Variants in ZPBP observed in about 807,000 individuals in gnomAD.
ZPBP encodes the protein zona pellucida-binding protein 1.
In ZPBP, 26 loss-of-function variants were observed where a neutral mutation model predicts 44.8. That is an observed-to-expected ratio of 0.58 (90% confidence interval 0.43 to 0.81). The LOEUF (loss-of-function observed/expected upper bound fraction) is 0.81, where lower values mean the gene tolerates loss of function less well. ZPBP is among the 30% of genes least tolerant of loss of function. ZPBP has a pLI of 0.00. For synonymous variants in ZPBP, 174 were observed against 153.2 expected, an observed-to-expected ratio of 1.14 and a Z score of -1.00; for missense variants, 409 against 434.0, an observed-to-expected ratio of 0.94 and a Z score of 0.51.
chr7:50,088,199 T>C (rs1217563875), intron 2 of ZPBP, among the ~76,000 whole-genome samples: 1 of 152,002 alleles, frequency 6.6e-6, no homozygotes, highest in African/African-American at 2.4e-5. Flanking sequence ...CTTCAACAAA[T>C]GGTGATAAAA....
intron 2 of ZPBP, among the ~76,000 whole-genome samples, chr7:49,872,048 TAAACA>T (rs1791182019): frequency 6.8e-6 from 1 of 147,298 alleles, no homozygotes; most frequent in Non-Finnish European, 1.5e-5. Context: ...ATTAATAAAC[TAAACA>T]AAACTAAGTA....
At chr7:50,011,250 C>T (rs193024166) in intron 6 of ZPBP, among the ~76,000 whole-genome samples, 16 of 152,104 alleles carry the variant, frequency 1.1e-4, no homozygotes, top group Non-Finnish European at 2.1e-4. Context: ...AGACCTGAAA[C>T]GATAAAAATT....
At chr7:50,005,148 T>C (rs1055158279) in intron 6 of ZPBP, among the ~76,000 whole-genome samples, 30 of 151,844 alleles carry the variant, frequency 2.0e-4, no homozygotes, top group African/African-American at 7.0e-4. Flanking sequence ...AAAAAAATTT[T>C]AAATGCTGTC....
intron 7 of ZPBP, among the ~76,000 whole-genome samples, chr7:49,946,023 G>C (rs942438573): frequency 6.6e-6 from 1 of 151,874 alleles, no homozygotes; most frequent in Non-Finnish European, 1.5e-5. Context: ...ATAATATCAC[G>C]TAACCTGTTA....
chr7:50,077,626 A>C (rs564011034), intron 3 of ZPBP, among the ~76,000 whole-genome samples: 1 of 152,088 alleles, frequency 6.6e-6, no homozygotes, highest in Admixed American at 6.6e-5. Flanking sequence ...TCAAATGGCA[A>C]ACAGGCCTAT....
intron 2 of ZPBP, among the ~76,000 whole-genome samples, chr7:49,856,819 C>T (rs182440367): frequency 1.4e-4 from 21 of 151,952 alleles, no homozygotes; most frequent in African/African-American, 5.1e-4. Flanking sequence ...ACCATCCTGG[C>T]TAACACGGTG....
At chr7:49,917,026 ACTTT>A (rs1793760042) in intron 1 of ZPBP, 1 of 152,098 alleles carries the variant, frequency 6.6e-6, no homozygotes. Context: ...ATATTTGTTT[ACTTT>A]CTTATTTCTA....
intron 2 of ZPBP, among the ~76,000 whole-genome samples, chr7:49,892,031 ATTTTTTTTTTTTTTTTTT>A (rs536880676): frequency 7.5e-5 from 4 of 53,204 alleles, no homozygotes; most frequent in East Asian, 6.8e-4. Context: ...GACAAAGTAG[ATTTTTTTTTTTTTTTTTT>A]TTTTTTTTTT....
At chr7:50,092,101 T>G (rs538312806) in intron 1 of ZPBP, among the ~76,000 whole-genome samples, 1 of 152,330 alleles carries the variant, frequency 6.6e-6, no homozygotes, top group African/African-American at 2.4e-5. Flanking sequence ...CTATTTCTTA[T>G]ATCTCATAGG....
chr7:50,021,984 C>T (rs1244497465), intron 5 of ZPBP, among the ~76,000 whole-genome samples: 3 of 152,010 alleles, frequency 2.0e-5, no homozygotes, highest in Non-Finnish European at 2.9e-5. Context: ...CACAATAAGA[C>T]GAACATCAGA....
intron 2 of ZPBP, among the ~76,000 whole-genome samples, chr7:49,863,885 G>A (rs1043484154): frequency 6.6e-6 from 1 of 152,118 alleles, no homozygotes; most frequent in African/African-American, 2.4e-5. Flanking sequence ...TATAATATAA[G>A]CATTTATAGC....
At chr7:49,946,539 TA>T (rs576774502) in intron 7 of ZPBP, among the ~76,000 whole-genome samples, 36 of 152,158 alleles carry the variant, frequency 2.4e-4, no homozygotes, top group Non-Finnish European at 4.7e-4. Flanking sequence ...TCCTGGCCTA[TA>T]AGGTTTCCAC....
chr7:50,076,069 C>T (rs1802061798), intron 3 of ZPBP, among the ~76,000 whole-genome samples: 1 of 151,758 alleles, frequency 6.6e-6, no homozygotes, highest in Non-Finnish European at 1.5e-5. Context: ...CCAAGTGGGA[C>T]TTATTCCTGT....
intron 4 of ZPBP, among the ~76,000 whole-genome samples, chr7:50,042,251 C>A (rs1458773704): frequency 1.3e-5 from 2 of 152,140 alleles, no homozygotes; most frequent in South Asian, 2.1e-4. Flanking sequence ...AAACACTCTA[C>A]AGGGATATTA....
intron 4 of ZPBP, among the ~76,000 whole-genome samples, chr7:50,037,020 T>C (rs1442724933): frequency 6.6e-6 from 1 of 152,010 alleles, no homozygotes; most frequent in Non-Finnish European, 1.5e-5. Context: ...AACAAATAAC[T>C]ACACAAAACA....
chr7:49,934,021 G>A (rs1396448513), downstream of ZPBP, among the ~76,000 whole-genome samples: 1 of 148,484 alleles, frequency 6.7e-6, no homozygotes, highest in Non-Finnish European at 1.5e-5. Flanking sequence ...CCTACACGTT[G>A]TGCACATGTA....
intron 2 of ZPBP, among the ~76,000 whole-genome samples, chr7:49,854,395 G>C (rs1490343177): frequency 2.0e-5 from 3 of 152,096 alleles, no homozygotes; most frequent in Middle Eastern, 3.4e-3. Context: ...ACTTTTTAAT[G>C]ATCGCTATTC....
At chr7:49,986,341 A>T (rs578091243) in intron 6 of ZPBP, among the ~76,000 whole-genome samples, 1 of 152,248 alleles carries the variant, frequency 6.6e-6, no homozygotes, top group African/African-American at 2.4e-5. Context: ...CCACCCCACC[A>T]CAATGGCCGC....
intron 3 of ZPBP, among the ~76,000 whole-genome samples, chr7:50,073,103 T>C (rs879711506): frequency 2.6e-5 from 4 of 152,150 alleles, no homozygotes; most frequent in Non-Finnish European, 5.9e-5. Flanking sequence ...CAGAGATATG[T>C]GACCTTTTAG....
Sources: gnomAD v4.1 joint callset for allele counts (sites outside exome capture counted in the v4.1 genomes callset) on GRCh38, gnomAD v4.1.1 for gene constraint, MANE v1.5 for transcripts, NCBI Gene and HGNC (gene_info 2026-07-23, HGNC 2026-07-21) for gene names.